The following ERP27 variants were observed in gnomAD, a reference collection of about 807,000 sequenced individuals.
ERP27 encodes endoplasmic reticulum resident protein 27.
ERP27 carries 23 observed loss-of-function variants against 27.7 expected under a neutral mutation model. The observed-to-expected ratio is 0.83, with a 90% CI of 0.60 to 1.18. The LOEUF (loss-of-function observed/expected upper bound fraction) is 1.18, where lower values mean the gene tolerates loss of function less well. Ranked by LOEUF, ERP27 falls within the 50% of genes most tolerant of loss-of-function variation. The pLI, the probability that ERP27 is intolerant of heterozygous loss-of-function variation, is 0.00. For synonymous variants in ERP27, 159 were observed against 118.3 expected (o/e 1.34, Z -2.23); for missense variants, 363 against 327.9 (o/e 1.11, Z -0.83).
chr12:14,922,133 C>T (rs754235157), intron 3 of ERP27, among the ~76,000 whole-genome samples: 3 of 152,050 alleles, frequency 2.0e-5, no homozygotes, highest in Non-Finnish European at 2.9e-5. Context: ...TACATATATG[C>T]CTCTGTATCC....
At chr12:14,916,253 A>G (rs1202040035) in intron 5 of ERP27, among the ~76,000 whole-genome samples, 1 of 152,204 alleles carries the variant, frequency 6.6e-6, no homozygotes, top group Non-Finnish European at 1.5e-5. Context: ...TTTTAAGAAC[A>G]TAGAATTGGA....
chr12:14,937,805 A>G (rs1191789755), intron 2 of ERP27, 147 bp downstream of exon 2: 1 of 631,342 alleles, frequency 1.6e-6, no homozygotes, highest in Non-Finnish European at 2.8e-6. Flanking sequence ...AGAGGTCCCA[A>G]TGGACAAGAT....
intron 4 of ERP27, among the ~76,000 whole-genome samples, chr12:14,917,532 A>G (rs927715986): frequency 6.6e-6 from 1 of 152,096 alleles, no homozygotes; most frequent in East Asian, 1.9e-4. Context: ...TAACCAAGAC[A>G]ATGTTGCAGA....
intron 2 of ERP27, 170 bp from the exon 3 acceptor site, chr12:14,935,163 T>C (rs1863756567): frequency 2.0e-6 from 2 of 985,400 alleles, no homozygotes; most frequent in South Asian, 9.4e-5. Flanking sequence ...AGTGACATTC[T>C]TGAATTTTCC....
chr12:14,926,651 C>T (rs1863607249), intron 3 of ERP27, among the ~76,000 whole-genome samples: 1 of 152,016 alleles, frequency 6.6e-6, no homozygotes, highest in Non-Finnish European at 1.5e-5. Flanking sequence ...TTTCACTTCT[C>T]AGAACCTAAT....
chr12:14,927,997 T>C (rs1356804218), intron 3 of ERP27, among the ~76,000 whole-genome samples: 2 of 152,202 alleles, frequency 1.3e-5, no homozygotes, highest in Non-Finnish European at 2.9e-5. Context: ...GACACAAAGA[T>C]AGTGCCTCCA....
chr12:14,920,102 T>A (rs1863477361), intron 4 of ERP27, among the ~76,000 whole-genome samples: 1 of 152,218 alleles, frequency 6.6e-6, no homozygotes. Context: ...TAATACCCTG[T>A]AAGGTTCTGT....
At chr12:14,927,290 T>C (rs1279651989) in intron 3 of ERP27, among the ~76,000 whole-genome samples, 2 of 152,020 alleles carry the variant, frequency 1.3e-5, no homozygotes, top group African/African-American at 4.8e-5. Flanking sequence ...TTTGCATATG[T>C]GTAGGCGTAT....
chr12:14,935,128 C>G, intron 2 of ERP27, 135 bp from the exon 3 acceptor site: 1 of 1,454,114 alleles, frequency 6.9e-7, no homozygotes, highest in Non-Finnish European at 9.1e-7. Flanking sequence ...CATGATTTAC[C>G]CCTAACAATT....
intron 2 of ERP27, 78 bp from the exon 3 acceptor site, chr12:14,935,071 T>C (rs1048388342): frequency 2.2e-5 from 34 of 1,537,184 alleles, no homozygotes; most frequent in Middle Eastern, 3.4e-4. Flanking sequence ...AGAAATATGA[T>C]ATGATGTTTA....
chr12:14,916,223 C>T (rs1216151543), intron 5 of ERP27, among the ~76,000 whole-genome samples: 2 of 152,042 alleles, frequency 1.3e-5, no homozygotes, highest in Non-Finnish European at 2.9e-5. Flanking sequence ...TGTTTTATCC[C>T]TTTGACGAGA....
chr12:14,916,303 A>C (rs1438610142), intron 5 of ERP27, among the ~76,000 whole-genome samples: 1 of 152,192 alleles, frequency 6.6e-6, no homozygotes, highest in Non-Finnish European at 1.5e-5. Flanking sequence ...AGTATAGCCT[A>C]ATGGTTAGGA....
At chr12:14,927,512 T>C (rs1439764850) in intron 3 of ERP27, among the ~76,000 whole-genome samples, 1 of 151,942 alleles carries the variant, frequency 6.6e-6, no homozygotes, top group Non-Finnish European at 1.5e-5. Flanking sequence ...TTGTACTAGA[T>C]TCACCTCCTA....
Position 14,914,756 on chromosome 12 carries a change from C to T in ERP27, c.801G>A (p.Lys267=), listed in dbSNP as rs138298248. The T allele has an allele frequency of 6.2e-7, 1 of 1,613,770 alleles. No individual in the cohort carries two copies. The change falls in exon 7 of 7, where the codon AAG becomes AAA. Residue 267 remains lysine (K), a synonymous_variant. Transcript: ENST00000266397. ...LLKENRESEG[K]TPKVEL ...GAAGTCAGAGTTCCACCTTTGGAGT[C>T]TTTCCTTCTGATTCACGATTTTCTT...
intron 3 of ERP27, among the ~76,000 whole-genome samples, chr12:14,933,334 A>G (rs1308551023): frequency 1.3e-5 from 2 of 152,210 alleles, no homozygotes; most frequent in African/African-American, 4.8e-5. Context: ...AGTTTCCTAG[A>G]ATTCAAGGAA....
chr12:14,921,029 T>C lies in ERP27; in HGVS notation c.353A>G (p.Asn118Ser). The C allele has an allele frequency of 1.9e-6, 3 of 1,613,982 alleles. No individual in the cohort carries two copies. The highest frequency in any genetic ancestry group is 1.7e-6 in the Non-Finnish European group (2 of 1,179,858). Residue 118 changes from asparagine (N) to serine (S), a missense_variant, in exon 4 of 7, where the codon AAT becomes AGT. By Grantham distance (46) the Asn-to-Ser change is conservative. Coordinates refer to ENST00000266397, the MANE Select transcript of ERP27 (RefSeq NM_152321.4). ...LFRLVDNEQL[N>S]LEDEDIESID... is the part of the protein sequence containing the mutation. Reference sequence around the variant, plus strand: ...GCTTTCAATGTCTTCGTCCTCTAAATTCAGTTGTTCATTGTCTACCTGGAT... The same window carrying C: ...GCTTTCAATGTCTTCGTCCTCTAAACTCAGTTGTTCATTGTCTACCTGGAT...
chr12:14,924,921 G>A (rs112574132), intron 3 of ERP27, among the ~76,000 whole-genome samples: 2,412 of 152,240 alleles, frequency 0.016, 71 homozygotes, highest in African/African-American at 0.055. Flanking sequence ...TCTGGTCGTC[G>A]TCCCTGTTAC....
At chr12:14,937,585 C>T (rs887585560) in intron 2 of ERP27, among the ~76,000 whole-genome samples, 1 of 152,204 alleles carries the variant, frequency 6.6e-6, no homozygotes, top group Non-Finnish European at 1.5e-5. Flanking sequence ...ATTGGGTTCA[C>T]TCTGGCCCCT....
intron 1 of ERP27, 136 bp downstream of exon 1, chr12:14,938,279 C>A (rs1310910091): frequency 1.1e-5 from 9 of 822,950 alleles, no homozygotes; most frequent in Non-Finnish European, 1.5e-5. Flanking sequence ...CTCTACCAGG[C>A]AAAATGCACT....
Sources: gnomAD v4.1 joint callset for allele counts (sites outside exome capture counted in the v4.1 genomes callset) on GRCh38, gnomAD v4.1.1 for gene constraint, MANE v1.5 for transcripts, NCBI Gene and HGNC (gene_info 2026-07-23, HGNC 2026-07-21) for gene names.